The following MICU3 variants were observed in gnomAD, a reference collection of about 807,000 sequenced individuals.
The protein encoded by MICU3 is calcium uptake protein 3, mitochondrial.
Under a neutral mutation model 66.5 loss-of-function variants are expected in MICU3, and 62 were observed. The ratio of observed to expected loss-of-function variants is 0.93; its 90% CI spans 0.76 to 1.15. MICU3 has a LOEUF of 1.15. Ranked by LOEUF, MICU3 falls within the 50% of genes most tolerant of loss-of-function variation. MICU3 has a pLI of 0.00. For missense variants in MICU3, 779 were observed against 664.4 expected, an observed-to-expected ratio of 1.17 and a Z score of -1.90; for synonymous variants, 308 against 240.7, an observed-to-expected ratio of 1.28 and a Z score of -2.59.
chr8:17,107,785 C>G (rs993196801), intron 11 of MICU3, among the ~76,000 whole-genome samples: 2 of 152,156 alleles, frequency 1.3e-5, no homozygotes, highest in Non-Finnish European at 2.9e-5. Flanking sequence ...GCATGATGCT[C>G]ATTCAGCAAA....
intron 4 of MICU3, among the ~76,000 whole-genome samples, chr8:17,079,292 T>C (rs896283959): frequency 2.0e-5 from 3 of 152,114 alleles, no homozygotes; most frequent in Admixed American, 6.6e-5. Context: ...GAGGAACTTA[T>C]TTTTAGTTGT....
chr8:17,079,497 T>A (rs1159698563), intron 4 of MICU3, among the ~76,000 whole-genome samples: 6 of 152,100 alleles, frequency 3.9e-5, no homozygotes, highest in Non-Finnish European at 4.4e-5. Context: ...ATTTTAAGAC[T>A]AAATCTTTAG....
At chr8:17,030,441 T>C (rs1389542371) in intron 1 of MICU3, among the ~76,000 whole-genome samples, 1 of 152,224 alleles carries the variant, frequency 6.6e-6, no homozygotes, top group Non-Finnish European at 1.5e-5. Flanking sequence ...GTTGAGCGTC[T>C]ACAAAAAATA....
At chr8:17,037,085 C>A (rs1585170147) in intron 1 of MICU3, among the ~76,000 whole-genome samples, 1 of 152,218 alleles carries the variant, frequency 6.6e-6, no homozygotes, top group South Asian at 2.1e-4. Flanking sequence ...CTGCCCGGGG[C>A]CAGCAGGGCT....
At position 17,039,895 on chromosome 8, in the gene MICU3, C is replaced by CTTTTTTTTTTTTT. The variant is rs35133600; in HGVS notation, c.381+12252_381+12264dup. The stretch of plus-strand genomic sequence containing the variant: ...ATGAAGGTATCCATCATCTTGCATT[C>CTTTTTTTTTTTTT]TTTTTTTTTTTTTTTTTTTTTTTTT... On this transcript the variant is annotated intron_variant, in intron 1 of 14. Coordinates refer to ENST00000318063, the MANE Select transcript of MICU3 (RefSeq NM_181723.3). Among the ~76,000 whole-genome samples, 13 of 62,546 alleles carry CTTTTTTTTTTTTT rather than the reference C, an allele frequency of 2.1e-4. 2 individuals carry two copies. Among genetic ancestry groups the CTTTTTTTTTTTTT allele is most frequent in the Non-Finnish European group, 3.0e-4 (11 of 36,838 alleles). 41.0% of individuals were successfully genotyped at this position (62,546 alleles called of 152,430 possible).
chr8:17,027,477 G>A lies in MICU3; in HGVS notation c.198G>A (p.Glu66=). 1 of 1,285,678 alleles carries A rather than the reference G, an allele frequency of 7.8e-7. No homozygotes were observed. Among genetic ancestry groups the A allele is most frequent in the Non-Finnish European group, 9.8e-7 (1 of 1,020,834 alleles). The allele number at this position is 1,285,678 out of a possible 1,614,324, so 79.6% of individuals were successfully genotyped here. Residue 66 remains glutamate, a synonymous_variant, in exon 1 of 15, where the codon GAG becomes GAA. Transcript: ENST00000318063. Reference sequence around the variant, plus strand: ...GGAGGCGGCGGCGGCGCTGGGGGGAGCTGAGCGTGGCGGCGGCGGCCGGCG... The same window carrying A: ...GGAGGCGGCGGCGGCGCTGGGGGGAACTGAGCGTGGCGGCGGCGGCCGGCG... The part of the protein sequence containing the change: ...AAWRRRRRWG[E]LSVAAAAGGG...
At chr8:17,062,357 A>G (rs1254068111) in intron 1 of MICU3, among the ~76,000 whole-genome samples, 10 of 152,014 alleles carry the variant, frequency 6.6e-5, no homozygotes, top group East Asian at 3.9e-4. Context: ...CTCTTTCCAT[A>G]TAGATTGATA....
chr8:17,036,662 A>T (rs1413449333), intron 1 of MICU3, among the ~76,000 whole-genome samples: 3 of 152,140 alleles, frequency 2.0e-5, no homozygotes, highest in African/African-American at 4.8e-5. Context: ...CTTGAGCTAG[A>T]CACAGGGTGC....
At position 17,086,976 on chromosome 8, in the gene MICU3, T is replaced by G. The variant is rs777059323; in HGVS notation, c.790T>G (p.Phe264Val). Residue 264 changes from phenylalanine to valine, a missense_variant, in exon 7 of 15, where the codon TTC (phenylalanine) becomes GTC (valine). Phe to Val is a conservative substitution (Grantham distance 50). Coordinates refer to ENST00000318063, the MANE Select transcript of MICU3 (RefSeq NM_181723.3). ...ATTTCTTTGTCAGCTTCAAGAGATA[T>G]TCAGGAAAAAAAATGAAAAGAGAGA... The part of the protein sequence containing the change: ...KKEFLVLQEI[F>V]RKKNEKREIK... 6.2e-7 allele frequency: 1 copy of G among 1,602,068 alleles called. No homozygotes were observed. The highest frequency in any genetic ancestry group is 1.3e-5 in the African/African-American group (1 of 74,510).
Position 17,098,441 on chromosome 8 carries a change from T to G in MICU3, c.889-17T>G. ...CTATTCTTTAGATTTCAGTTGTGCT[T>G]CTTAAAACTTCTACAGGTACTTAAA... On this transcript the variant is annotated splice_polypyrimidine_tract_variant and intron_variant, in intron 8 of 14. Transcript: ENST00000318063. The G allele has an allele frequency of 1.3e-6, 2 of 1,497,272 alleles. No homozygotes were observed. Among genetic ancestry groups the G allele is most frequent in the Non-Finnish European group, 1.9e-6 (2 of 1,073,832 alleles). 92.7% of individuals were successfully genotyped at this position (1,497,272 alleles called of 1,614,324 possible).
intron 3 of MICU3, 73 bp downstream of exon 3, chr8:17,069,792 T>C (rs1046780612): frequency 4.0e-6 from 2 of 503,154 alleles, no homozygotes; most frequent in African/African-American, 4.1e-5. Context: ...AATTAAAATA[T>C]ATTTCATAAA....
At chr8:17,090,193 A>G (rs1233213767) in intron 7 of MICU3, among the ~76,000 whole-genome samples, 2 of 152,106 alleles carry the variant, frequency 1.3e-5, no homozygotes, top group East Asian at 3.9e-4. Flanking sequence ...TTGCTGCTGC[A>G]TCTGGATTTC....
chr8:17,044,774 C>T (rs1432360378), intron 1 of MICU3, among the ~76,000 whole-genome samples: 1 of 152,184 alleles, frequency 6.6e-6, no homozygotes, highest in Non-Finnish European at 1.5e-5. Context: ...AAGGAAATAA[C>T]ATAGGCTGAA....
At chr8:17,067,758 AAGC>A (rs1818941792) in intron 2 of MICU3, among the ~76,000 whole-genome samples, 1 of 152,126 alleles carries the variant, frequency 6.6e-6, no homozygotes, top group Admixed American at 6.6e-5. Context: ...GATAATTTTT[AAGC>A]AAATATTTAC....
chr8:17,037,006 C>A (rs9942818), intron 1 of MICU3, among the ~76,000 whole-genome samples: 1 of 152,076 alleles, frequency 6.6e-6, no homozygotes, highest in East Asian at 1.9e-4. Flanking sequence ...GCGCAGCGCC[C>A]GTGGGCTGGC....
chr8:17,133,030 C>T, the MICU3 span: 1 of 152,348 alleles, frequency 6.6e-6, no homozygotes, highest in East Asian at 1.9e-4. Flanking sequence ...TCGCCAGGCA[C>T]TGAATCTGCT....
At chr8:17,110,993 T>C (rs1405347955) in intron 11 of MICU3, among the ~76,000 whole-genome samples, 1 of 152,216 alleles carries the variant, frequency 6.6e-6, no homozygotes, top group African/African-American at 2.4e-5. Flanking sequence ...GTTTATCCAT[T>C]CATCCTTCCA....
intron 10 of MICU3, 126 bp from the exon 11 acceptor site, chr8:17,105,287 T>C: frequency 1.7e-6 from 1 of 583,310 alleles, no homozygotes; most frequent in Admixed American, 3.8e-5. Flanking sequence ...AGGAACTTTA[T>C]TAATCTTTGC....
At chr8:17,109,924 GT>G (rs1201168699) in intron 11 of MICU3, among the ~76,000 whole-genome samples, 1 of 152,158 alleles carries the variant, frequency 6.6e-6, no homozygotes, top group African/African-American at 2.4e-5. Flanking sequence ...AAAGATTTAA[GT>G]GGCTTACCTT....
Sources: allele counts gnomAD v4.1 joint callset (sites outside exome capture counted in the v4.1 genomes callset), GRCh38; gene constraint gnomAD v4.1.1; transcripts MANE v1.5; gene names NCBI Gene and HGNC (gene_info 2026-07-23, HGNC 2026-07-21).